ABCC4: variants seen among roughly 807,000 people sequenced by gnomAD.
ABCC4 encodes the protein ATP-binding cassette sub-family C member 4.
A neutral mutation model predicts 168.5 loss-of-function variants in ABCC4; 102 were observed. The observed-to-expected ratio is 0.61, with a 90% CI of 0.52 to 0.71. The LOEUF is 0.71. Among genes scored for constraint, ABCC4 ranks in the 30% least tolerant of loss-of-function variants. The pLI, the probability that ABCC4 is intolerant of heterozygous loss-of-function variation, is 0.00. For synonymous variants in ABCC4, 617 were observed against 590.7 expected (o/e 1.04, Z -0.65); for missense variants, 1,402 against 1,605.8 (o/e 0.87, Z 2.17).
chr13:95,228,636 T>C (rs917854276), intron 4 of ABCC4, among the ~76,000 whole-genome samples: 2 of 151,458 alleles, frequency 1.3e-5, no homozygotes, highest in Non-Finnish European at 2.9e-5. Flanking sequence ...TGCACCACCA[T>C]GCCTGTAATC....
At chr13:95,071,466 G>A (rs181825068) in intron 25 of ABCC4, among the ~76,000 whole-genome samples, 196 bp downstream of exon 25, 2 of 152,300 alleles carry the variant, frequency 1.3e-5, no homozygotes, top group South Asian at 2.1e-4. Flanking sequence ...CTCCAGCCCT[G>A]AGGCCCGGGG....
chr13:95,276,361 G>A (rs2040969590), intron 1 of ABCC4, among the ~76,000 whole-genome samples: 1 of 145,044 alleles, frequency 6.9e-6, no homozygotes, highest in Non-Finnish European at 1.5e-5. Flanking sequence ...GCTGCAGTGA[G>A]CCATGATCTC....
chr13:95,069,230 T>C (rs988976032), intron 25 of ABCC4, among the ~76,000 whole-genome samples: 2 of 152,134 alleles, frequency 1.3e-5, no homozygotes, highest in African/African-American at 4.8e-5. Flanking sequence ...TACCGATTTC[T>C]TTGTATGTGC....
At chr13:95,221,126 A>T (rs961305530) in intron 4 of ABCC4, among the ~76,000 whole-genome samples, 3 of 152,246 alleles carry the variant, frequency 2.0e-5, no homozygotes, top group African/African-American at 7.2e-5. Flanking sequence ...CACTTGGATG[A>T]GGTCCCTTCA....
At chr13:95,148,501 A>G (rs1240816889) in intron 19 of ABCC4, among the ~76,000 whole-genome samples, 2 of 152,060 alleles carry the variant, frequency 1.3e-5, no homozygotes, top group Non-Finnish European at 2.9e-5. Context: ...TAAATTTCAC[A>G]TATTATTAAG....
intron 9 of ABCC4, among the ~76,000 whole-genome samples, chr13:95,189,113 A>G (rs1228883542): frequency 1.7e-5 from 2 of 120,796 alleles, no homozygotes; most frequent in Non-Finnish European, 3.4e-5. Context: ...GTTCTCATTT[A>G]AAACAATATT....
intron 1 of ABCC4, among the ~76,000 whole-genome samples, chr13:95,286,451 G>C (rs907461924): frequency 2.0e-5 from 3 of 151,868 alleles, no homozygotes; most frequent in South Asian, 4.2e-4. Context: ...TAATAATAAC[G>C]CACCTTATTA....
intron 19 of ABCC4, among the ~76,000 whole-genome samples, chr13:95,141,529 C>T (rs1052259816): frequency 6.6e-6 from 1 of 150,952 alleles, no homozygotes. Flanking sequence ...ATCTCTCTGA[C>T]TAAGTTGCAG....
At chr13:95,257,932 CAT>C (rs1400148408) in intron 1 of ABCC4, among the ~76,000 whole-genome samples, 1 of 152,132 alleles carries the variant, frequency 6.6e-6, no homozygotes, top group Non-Finnish European at 1.5e-5. Context: ...TAATTTAAGA[CAT>C]GTGTCACGTA....
At chr13:95,179,898 T>C (rs907283049) in intron 11 of ABCC4, among the ~76,000 whole-genome samples, 1 of 152,156 alleles carries the variant, frequency 6.6e-6, no homozygotes, top group African/African-American at 2.4e-5. Context: ...AATAAACTCA[T>C]AGAATGCCGG....
intron 16 of ABCC4, among the ~76,000 whole-genome samples, chr13:95,163,935 G>T (rs186234524): frequency 6.6e-6 from 1 of 151,626 alleles, no homozygotes; most frequent in African/African-American, 2.4e-5. Context: ...CAGCTACTCC[G>T]GAGGCTGAGA....
chr13:95,149,593 C>T (rs931477098), intron 19 of ABCC4, among the ~76,000 whole-genome samples: 2 of 152,094 alleles, frequency 1.3e-5, no homozygotes, highest in Non-Finnish European at 1.5e-5. Flanking sequence ...CCATTTCCTT[C>T]CTTCTCTACT....
intron 1 of ABCC4, among the ~76,000 whole-genome samples, chr13:95,274,553 T>TC: frequency 6.6e-6 from 1 of 152,222 alleles, no homozygotes; most frequent in Admixed American, 6.5e-5. Context: ...TCACATGCAC[T>TC]CCCCTGCCCT....
intron 3 of ABCC4, among the ~76,000 whole-genome samples, chr13:95,241,251 G>C (rs1594362736): frequency 6.6e-6 from 1 of 151,664 alleles, no homozygotes; most frequent in East Asian, 1.9e-4. Context: ...TGTAGTCCCA[G>C]CTACTCAGGA....
chr13:95,091,977 T>A (rs978640365), intron 20 of ABCC4, among the ~76,000 whole-genome samples: 2 of 152,242 alleles, frequency 1.3e-5, no homozygotes, highest in Admixed American at 6.5e-5. Flanking sequence ...AAGGATTTCA[T>A]GCAAATCGAC....
chr13:95,151,545 AAGG>A (rs143997321), intron 19 of ABCC4, among the ~76,000 whole-genome samples: 30 of 141,642 alleles, frequency 2.1e-4, no homozygotes, highest in Admixed American at 2.8e-4. Context: ...ATGAAGAAGG[AAGG>A]AGGAGGAGGA....
intron 19 of ABCC4, among the ~76,000 whole-genome samples, chr13:95,144,912 C>G (rs1392989847): frequency 6.6e-6 from 1 of 151,916 alleles, no homozygotes; most frequent in Non-Finnish European, 1.5e-5. Flanking sequence ...AAAATAGCGT[C>G]CAAAGAGCCA....
chr13:95,129,176 A>G (rs1381740521), intron 19 of ABCC4, among the ~76,000 whole-genome samples: 1 of 152,236 alleles, frequency 6.6e-6, no homozygotes, highest in Non-Finnish European at 1.5e-5. Flanking sequence ...AAGGACTCCT[A>G]GCCAGTTTGT....
intron 19 of ABCC4, among the ~76,000 whole-genome samples, chr13:95,151,203 C>G (rs1022391124): frequency 1.3e-5 from 2 of 152,038 alleles, no homozygotes; most frequent in Admixed American, 1.3e-4. Context: ...CATTGTTGGT[C>G]TAGTGTGGTG....
Sources: gnomAD v4.1 joint callset for allele counts (sites outside exome capture counted in the v4.1 genomes callset) on GRCh38, gnomAD v4.1.1 for gene constraint, MANE v1.5 for transcripts, NCBI Gene and HGNC (gene_info 2026-07-23, HGNC 2026-07-21) for gene names.